MSTO1: variants seen among roughly 807,000 people sequenced by gnomAD.
The protein encoded by MSTO1 is protein misato homolog 1.
A neutral mutation model predicts 55.7 loss-of-function variants in MSTO1; 24 were observed. The observed-to-expected ratio is 0.43, with a 90% CI of 0.31 to 0.61. MSTO1 has a LOEUF of 0.61. MSTO1 is among the 20% of genes least tolerant of loss of function. The pLI, the probability that MSTO1 is intolerant of heterozygous loss-of-function variation, is 0.09. For synonymous variants in MSTO1, 162 were observed against 252.8 expected (o/e 0.64, Z 3.41); for missense variants, 363 against 625.7 (o/e 0.58, Z 4.48).
At chr1:155,590,086 A>C in the MSTO1 span, among the ~76,000 whole-genome samples, 8 of 152,090 alleles carry the variant, frequency 5.3e-5, no homozygotes, top group Non-Finnish European at 8.8e-5. Flanking sequence ...CTGACCCTGC[A>C]AGGTGGACAT....
the MSTO1 span, among the ~76,000 whole-genome samples, chr1:155,596,698 G>C: frequency 3.9e-5 from 6 of 152,234 alleles, no homozygotes; most frequent in East Asian, 1.2e-3. Flanking sequence ...TAGCTGTAAG[G>C]ATCACTTGAG....
chr1:155,564,988 G>T, the MSTO1 span, among the ~76,000 whole-genome samples: 3 of 152,264 alleles, frequency 2.0e-5, no homozygotes, highest in South Asian at 6.2e-4. Context: ...GGGCGTGGTG[G>T]TGGGCGCCTG....
chr1:155,604,066 T>C, the MSTO1 span, among the ~76,000 whole-genome samples: 1 of 152,188 alleles, frequency 6.6e-6, no homozygotes, highest in Admixed American at 6.5e-5. Flanking sequence ...GATTATGAAA[T>C]AATGCTTTAA....
upstream of MSTO1, among the ~76,000 whole-genome samples, chr1:155,607,914 T>C (rs1247855015): frequency 1.3e-5 from 2 of 152,182 alleles, no homozygotes; most frequent in South Asian, 2.1e-4. Context: ...GGAGGATCGC[T>C]TCAGCCCAAG....
chr1:155,587,647 G>A, the MSTO1 span, among the ~76,000 whole-genome samples: 116 of 151,098 alleles, frequency 7.7e-4, no homozygotes, highest in Non-Finnish European at 1.5e-3. Flanking sequence ...GGGAGGCTGA[G>A]GCAGGAGAAT....
the MSTO1 span, among the ~76,000 whole-genome samples, chr1:155,568,753 T>C: frequency 1.3e-5 from 2 of 152,162 alleles, no homozygotes; most frequent in Admixed American, 6.6e-5. Context: ...TTTTGTTTTG[T>C]TTTGTTTTGT....
intron 4 of MSTO1, 52 bp downstream of exon 4, chr1:155,611,343 T>A: frequency 1.2e-6 from 2 of 1,613,912 alleles, no homozygotes; most frequent in Non-Finnish European, 1.7e-6. Flanking sequence ...CCCGAGGGTC[T>A]CCATAGGGGC....
chr1:155,595,917 G>A, the MSTO1 span, among the ~76,000 whole-genome samples: 1 of 152,292 alleles, frequency 6.6e-6, no homozygotes, highest in East Asian at 1.9e-4. Context: ...CAGAAGCCAG[G>A]ATTCCAGCAG....
chr1:155,574,106 C>T, the MSTO1 span, among the ~76,000 whole-genome samples: 10 of 151,980 alleles, frequency 6.6e-5, no homozygotes, highest in African/African-American at 2.4e-4. Flanking sequence ...CCTGTAATCC[C>T]AGCACTTTTA....
the MSTO1 span, among the ~76,000 whole-genome samples, chr1:155,587,117 G>A: frequency 6.6e-6 from 1 of 152,144 alleles, no homozygotes; most frequent in Non-Finnish European, 1.5e-5. Context: ...AAATGCTCTG[G>A]AGAACTTTGT....
the MSTO1 span, chr1:155,602,202 G>T: frequency 1.5e-6 from 1 of 657,984 alleles, no homozygotes; most frequent in South Asian, 1.4e-5. Context: ...TTCCTGGCCG[G>T]GCTTTGTGGC....
At chr1:155,584,533 A>G in the MSTO1 span, among the ~76,000 whole-genome samples, 1 of 151,426 alleles carries the variant, frequency 6.6e-6, no homozygotes, top group South Asian at 2.1e-4. Flanking sequence ...TTAATTAACC[A>G]GGCAATGGGC....
upstream of MSTO1, among the ~76,000 whole-genome samples, chr1:155,608,919 G>C (rs973024279): frequency 4.7e-5 from 7 of 150,508 alleles, no homozygotes; most frequent in African/African-American, 1.7e-4. Flanking sequence ...CCACCTCCCA[G>C]GTTCAAATGA....
chr1:155,569,083 A>G, the MSTO1 span, among the ~76,000 whole-genome samples: 1 of 151,006 alleles, frequency 6.6e-6, no homozygotes, highest in African/African-American at 2.4e-5. Context: ...TGAACTCCTG[A>G]CCTCAAATGT....
At chr1:155,579,219 G>A in the MSTO1 span, among the ~76,000 whole-genome samples, 3 of 151,486 alleles carry the variant, frequency 2.0e-5, no homozygotes, top group Non-Finnish European at 2.9e-5. Flanking sequence ...AGGCCGAGGC[G>A]GGAGAATCGC....
At chr1:155,605,692 G>A (rs1392019216), upstream of MSTO1, among the ~76,000 whole-genome samples, 2 of 152,098 alleles carry the variant, frequency 1.3e-5, no homozygotes, top group Non-Finnish European at 2.9e-5. Flanking sequence ...TGTGAGGATC[G>A]ATTGAATTAA....
At chr1:155,576,993 C>G in the MSTO1 span, among the ~76,000 whole-genome samples, 2 of 80,042 alleles carry the variant, frequency 2.5e-5, no homozygotes, top group Non-Finnish European at 4.4e-5. Context: ...CCAGCCTGGG[C>G]AACAAGAGCA....
chr1:155,598,076 C>A, the MSTO1 span, among the ~76,000 whole-genome samples: 1 of 152,080 alleles, frequency 6.6e-6, no homozygotes, highest in African/African-American at 2.4e-5. Context: ...TCTCAGCCTC[C>A]CAAAGCACTG....
the MSTO1 span, chr1:155,602,226 C>G: frequency 1.7e-6 from 1 of 577,774 alleles, no homozygotes; most frequent in Non-Finnish European, 3.3e-6. Flanking sequence ...CACCTGTAAT[C>G]ACAGCACTTT....
Sources: allele counts gnomAD v4.1 joint callset (sites outside exome capture counted in the v4.1 genomes callset), GRCh38; gene constraint gnomAD v4.1.1; transcripts MANE v1.5; gene names NCBI Gene and HGNC (gene_info 2026-07-23, HGNC 2026-07-21).